Variants in SH3TC1 observed in about 807,000 individuals in gnomAD.
The protein encoded by SH3TC1 is SH3 domain and tetratricopeptide repeat-containing protein 1.
A neutral mutation model predicts 117.3 loss-of-function variants in SH3TC1; 135 were observed. That is an observed-to-expected ratio of 1.15 (90% confidence interval 1.00 to 1.33). The LOEUF is 1.33. Among genes scored for constraint, SH3TC1 ranks in the 40% most tolerant of loss-of-function variants. The pLI is 0.00. For synonymous variants in SH3TC1, 898 were observed against 816.9 expected (o/e 1.10, Z -1.69); for missense variants, 2,092 against 1,794.3 (o/e 1.17, Z -3.00).
At position 8,212,743 on chromosome 4, in the gene SH3TC1, T is replaced by A; in HGVS notation, c.290T>A (p.Leu97Gln). The A allele has an allele frequency of 6.2e-7, 1 of 1,612,880 alleles. No homozygotes were observed. The highest frequency in any genetic ancestry group is 8.5e-7 in the Non-Finnish European group (1 of 1,179,922). The change falls in exon 4 of 18, where the codon CTG (leucine) becomes CAG (glutamine). Residue 97 changes from leucine (L) to glutamine (Q), a missense_variant. Leu to Gln is a moderately radical substitution (Grantham distance 113). Transcript: ENST00000245105. ...CTGGCTGTGCGGAGGAAGAGCAGAC[T>A]GCGGGACCCCGGCCTACAGCAGACC... is the stretch of plus-strand genomic sequence containing the variant. ...QLLAVRRKSRLRDPGLQQTLR... is the reference protein window; with the variant it reads ...QLLAVRRKSRQRDPGLQQTLR...
chr4:8,190,880 G>A lies in SH3TC1; in HGVS notation c.-57+8670G>A, dbSNP rs1001319846. On this transcript the variant is annotated intron_variant, in intron 1 of 16. Coordinates refer to the SH3TC1 transcript ENST00000508641. The surrounding 1 kb of genome is among the most constrained non-coding windows in gnomAD (Gnocchi z 4.7). ...TGGTCTTGAACTCCTGGACTCAAGC[G>A]ATCCTCCTGCCTCGGCCTCCTAAAG... 6.6e-6 allele frequency among the ~76,000 whole-genome samples: 1 copy of A among 152,008 alleles called. No homozygotes were observed. The highest frequency in any genetic ancestry group is 1.5e-5 in the Non-Finnish European group (1 of 67,994).
chr4:8,216,832 C>T, intron 6 of SH3TC1, 125 bp from the exon 7 acceptor site: 1 of 951,654 alleles, frequency 1.1e-6, no homozygotes, highest in Non-Finnish European at 1.7e-6. Context: ...TCTGTGCCTG[C>T]AGACACTGGG....
chr4:8,229,795 A>T (rs55993013), intron 12 of SH3TC1, among the ~76,000 whole-genome samples: 43,970 of 151,942 alleles, frequency 0.29, 6,461 homozygotes, highest in Middle Eastern at 0.32. Context: ...CAGCCCCCAC[A>T]GCAGCCTCCG....
intron 13 of SH3TC1, 147 bp from the exon 14 acceptor site, chr4:8,233,216 G>A: frequency 7.1e-7 from 1 of 1,415,266 alleles, no homozygotes; most frequent in Non-Finnish European, 9.2e-7. Flanking sequence ...CACCCTCTCA[G>A]CAGCCCGGGA....
At position 8,227,567 on chromosome 4, in the gene SH3TC1, C is replaced by G. The variant is rs779326401; in HGVS notation, c.1873C>G (p.Pro625Ala). ...KNREKCAQVV[P>A]KAMALLLGTP... is the part of the protein sequence containing the mutation. ...CCGGGAGAAGTGTGCACAGGTGGTG[C>G]CCAAAGCCATGGCCCTGCTCCTGGG... The change falls in exon 12 of 18, where the codon CCC becomes GCC. Residue 625 changes from proline (P) to alanine (A), a missense_variant. Physicochemically the swap from Pro to Ala is conservative, Grantham distance 27 (BLOSUM62 -1). Coordinates refer to ENST00000245105, the MANE Select transcript of SH3TC1 (RefSeq NM_018986.5). The G allele has an allele frequency of 6.6e-7, 1 of 1,522,336 alleles. No homozygotes were observed. The highest frequency in any genetic ancestry group is 8.8e-7 in the Non-Finnish European group (1 of 1,137,844). 94.3% of individuals were successfully genotyped at this position (1,522,336 alleles called of 1,614,324 possible). A position where few individuals can be genotyped will look rare whatever the true frequency, so the allele number is the denominator to read the frequency against.
chr4:8,207,887 G>C (rs911863714), intron 2 of SH3TC1, among the ~76,000 whole-genome samples: 1 of 152,142 alleles, frequency 6.6e-6, no homozygotes, highest in African/African-American at 2.4e-5. Flanking sequence ...AGAAGCTGTT[G>C]GGCCGGAACT....
intron 12 of SH3TC1, among the ~76,000 whole-genome samples, chr4:8,230,171 G>A (rs551774633): frequency 2.7e-4 from 41 of 152,196 alleles, no homozygotes; most frequent in Admixed American, 1.2e-3. Flanking sequence ...TGGCTGTTGC[G>A]TCTAGATGAT....
chr4:8,215,495 TG>T (rs35221096), intron 5 of SH3TC1, among the ~76,000 whole-genome samples: 73 of 152,206 alleles, frequency 4.8e-4, no homozygotes, highest in African/African-American at 1.7e-3. Flanking sequence ...ATGGCCATTG[TG>T]GGGGGATGTC....
rs562243253 is a variant in SH3TC1 at position 8,187,803 on chromosome 4, G to A, written c.-57+5593G>A. On this transcript the variant is annotated intron_variant, in intron 1 of 16. Coordinates refer to the SH3TC1 transcript ENST00000508641. ...CTGACCTTGTGATCCACTTGTCTCC[G>A]CCTCCCAAAGTGCTGGGATTACAGG... Among the ~76,000 whole-genome samples the A allele has an allele frequency of 1.1e-4, 17 of 152,200 alleles. No individual in the cohort carries two copies. In the South Asian group the frequency reaches 2.5e-3, roughly 22 times the overall value.
Position 8,237,561 on chromosome 4 carries a change from A to G in SH3TC1, c.3644A>G (p.Tyr1215Cys). 6.2e-7 allele frequency: 1 copy of G among 1,611,720 alleles called. No individual in the cohort carries two copies. The highest frequency in any genetic ancestry group is 8.5e-7 in the Non-Finnish European group (1 of 1,179,414). The change falls in exon 17 of 18, where the codon TAC (tyrosine) becomes TGC (cysteine). Residue 1215 changes from tyrosine (Y) to cysteine (C), a missense_variant. Tyr to Cys is a radical substitution (Grantham distance 194, BLOSUM62 -2). Coordinates refer to ENST00000245105, the MANE Select transcript of SH3TC1 (RefSeq NM_018986.5). ...CATGGCGAGCTGGCAGAGCACTTCT[A>G]CCTCAAGGCCCTGTCGCTCTGCAAC... Reference protein sequence around the residue: ...LGHGELAEHFYLKALSLCNSP... With the variant: ...LGHGELAEHFCLKALSLCNSP...
chr4:8,232,544 C>A (rs764834975), intron 13 of SH3TC1: 7 of 1,367,292 alleles, frequency 5.1e-6, no homozygotes, highest in Non-Finnish European at 6.8e-6. Flanking sequence ...GTGACCACAG[C>A]AGCCACCTGT....
chr4:8,238,474 G>C (rs1057433601), intron 17 of SH3TC1, among the ~76,000 whole-genome samples: 1 of 152,208 alleles, frequency 6.6e-6, no homozygotes, highest in South Asian at 2.1e-4. Context: ...ATCGGTGCTC[G>C]TTGTGGGCTG....
In SH3TC1 at chr4:8,229,225, A is replaced by G. The variant is rs183696739; in HGVS notation, c.2950+581A>G. Reference sequence around the variant, plus strand: ...GGGTGGCAGGGGCTGAGCATGGGAAAGTGAGCTTCAGGCCAGAGAAGCCAC... The same window carrying G: ...GGGTGGCAGGGGCTGAGCATGGGAAGGTGAGCTTCAGGCCAGAGAAGCCAC... On this transcript the variant is annotated intron_variant, in intron 12 of 17. Coordinates refer to ENST00000245105, the MANE Select transcript of SH3TC1 (RefSeq NM_018986.5). 1,224 of 151,946 alleles carry G rather than the reference A, an allele frequency of 8.1e-3. 7 individuals are homozygous for G. Among genetic ancestry groups the G allele is most frequent in the Admixed American group, 0.015 (231 of 15,258 alleles). The allele number at this position is 151,946 out of a possible 1,614,324, so 9.4% of individuals were successfully genotyped here.
rs1378437930 is a variant in SH3TC1, at chr4:8,212,710, T to C, written c.257T>C (p.Leu86Pro). 6.2e-7 allele frequency: 1 copy of C among 1,612,892 alleles called. No individual in the cohort carries two copies. The highest frequency in any genetic ancestry group is 8.5e-7 in the Non-Finnish European group (1 of 1,179,942). The change falls in exon 4 of 18, where the codon CTG (leucine) becomes CCG (proline). Residue 86 changes from leucine to proline, a missense_variant. Transcript: ENST00000245105. The part of the protein sequence containing the change: ...QMGVYPTDLT[L>P]QLLAVRRKSR... ...CCGTCTGCCCCTCCAGACCTGACCC[T>C]GCAGCTGCTGGCTGTGCGGAGGAAG...
chr4:8,238,387 G>A lies in SH3TC1; in HGVS notation c.3753+717G>A, dbSNP rs537640264. Among the ~76,000 whole-genome samples, 11 of 152,310 alleles carry A rather than the reference G, an allele frequency of 7.2e-5. No homozygotes were observed. The South Asian group carries it at 2.3e-3, about 32-fold the overall frequency. ...CTGCAGGGGTGGAGAACTGGGACCG[G>A]CAGACTCGGATCTGGGATGTCCCCA... On this transcript the variant is annotated intron_variant, in intron 17 of 17. Coordinates refer to ENST00000245105, the MANE Select transcript of SH3TC1 (RefSeq NM_018986.5).
chr4:8,202,248 G>C (rs1717888716), intron 1 of SH3TC1, among the ~76,000 whole-genome samples: 1 of 152,238 alleles, frequency 6.6e-6, no homozygotes, highest in African/African-American at 2.4e-5. Flanking sequence ...AGGGCAGCCA[G>C]GGCATCCTGC....
At chr4:8,208,413 G>A (rs184518583) in intron 2 of SH3TC1, among the ~76,000 whole-genome samples, 100 of 150,788 alleles carry the variant, frequency 6.6e-4, no homozygotes, top group African/African-American at 2.1e-3. Context: ...TGTTGCCCAG[G>A]CTGGAGTGCA....
chr4:8,227,336 G>C lies in SH3TC1; in HGVS notation c.1642G>C (p.Gly548Arg), dbSNP rs1271053613. The C allele has an allele frequency of 3.1e-6, 5 of 1,605,250 alleles. No homozygotes were observed. The African/African-American group carries it at 5.4e-5, about 17-fold the overall frequency. The change falls in exon 12 of 18, where the codon GGG becomes CGG. Residue 548 changes from glycine to arginine, a missense_variant. Gly to Arg is a moderately radical substitution (Grantham distance 125). Transcript: ENST00000245105. ...ELTGRLAQAR[G>R]AAKKAGLLMA... ...GACTGGGCGCCTGGCACAGGCCCGG[G>C]GGGCGGCCAAGAAAGCTGGCCTCCT...
chr4:8,224,081 A>C (rs557537676), intron 10 of SH3TC1, among the ~76,000 whole-genome samples: 25 of 152,306 alleles, frequency 1.6e-4, no homozygotes, highest in African/African-American at 6.0e-4. Context: ...ACATGTGTGC[A>C]CATGTGCCTG....
Sources: gnomAD v4.1 joint callset for allele counts (sites outside exome capture counted in the v4.1 genomes callset) on GRCh38, gnomAD v4.1.1 for gene constraint, Gnocchi (gnomAD v3.1) non-coding constraint, MANE v1.5 for transcripts, NCBI Gene and HGNC (gene_info 2026-07-23, HGNC 2026-07-21) for gene names.